Variants in ADGRE5 observed in about 807,000 individuals in gnomAD.
ADGRE5 encodes the protein adhesion G protein-coupled receptor E5.
ADGRE5 carries 72 observed loss-of-function variants against 100.3 expected under a neutral mutation model. The observed-to-expected ratio is 0.72, with a 90% CI of 0.59 to 0.87. ADGRE5 has a LOEUF of 0.87. ADGRE5 is among the 40% of genes least tolerant of loss of function. The pLI is 0.00. For synonymous variants in ADGRE5, 439 were observed against 447.8 expected, an observed-to-expected ratio of 0.98 and a Z score of 0.25; for missense variants, 959 against 1,094.7, an observed-to-expected ratio of 0.88 and a Z score of 1.75.
intron 4 of ADGRE5, among the ~76,000 whole-genome samples, chr19:14,395,977 C>T (rs1244068179): frequency 2.6e-5 from 4 of 152,210 alleles, no homozygotes; most frequent in African/African-American, 9.6e-5. Context: ...CGAGGGCCAC[C>T]GTTGGGAACC....
chr19:14,402,591 C>G lies in ADGRE5; in HGVS notation c.1184-6C>G. On this transcript the variant is annotated splice_polypyrimidine_tract_variant and splice_region_variant and intron_variant, in intron 11 of 19. Coordinates refer to ENST00000242786, the MANE Select transcript of ADGRE5 (RefSeq NM_078481.4). ...GGAGTAGGCAGCGAGTGTGTCTGTT[C>G]CCCAGGCCCCGCCGTGGCGGGCATC... 1 of 1,613,814 alleles carries G rather than the reference C, an allele frequency of 6.2e-7. No individual in the cohort carries two copies. Among genetic ancestry groups the G allele is most frequent in the Non-Finnish European group, 8.5e-7 (1 of 1,179,872 alleles).
At chr19:14,386,178 A>T (rs920144114) in intron 1 of ADGRE5, among the ~76,000 whole-genome samples, 7 of 150,492 alleles carry the variant, frequency 4.7e-5, no homozygotes, top group Non-Finnish European at 3.0e-5. Context: ...AGGAGATCGA[A>T]ACCATCCTGG....
chr19:14,406,303 G>A lies in ADGRE5; in HGVS notation c.1822-28G>A. On this transcript the variant is annotated intron_variant, in intron 14 of 19. Transcript: ENST00000242786. The surrounding 1 kb of genome is among the most constrained non-coding windows in gnomAD (Gnocchi z 6.0). ...GCATGCCCCTCCCCGCGCTGACGTC[G>A]CTCCGCCCCTCCGTCCCCGCCCCGC... 2 of 1,513,842 alleles carry A rather than the reference G, an allele frequency of 1.3e-6. No homozygotes were observed. Among genetic ancestry groups the A allele is most frequent in the South Asian group, 1.2e-5 (1 of 82,942 alleles). 93.8% of individuals were successfully genotyped at this position (1,513,842 alleles called of 1,614,324 possible).
At chr19:14,398,585 C>A (rs4468742) in intron 9 of ADGRE5, among the ~76,000 whole-genome samples, 1 of 149,786 alleles carries the variant, frequency 6.7e-6, no homozygotes. Flanking sequence ...TGAGGCAGGA[C>A]AATGACGTGA....
In ADGRE5 at chr19:14,408,007, C is replaced by CGGGTAAGGGGCTGCGCCTGGG; in HGVS notation, c.2478_2478+20dup. 6.2e-7 allele frequency: 1 copy of CGGGTAAGGGGCTGCGCCTGGG among 1,614,114 alleles called. No individual in the cohort carries two copies. The highest frequency in any genetic ancestry group is 8.5e-7 in the Non-Finnish European group (1 of 1,179,990). On this transcript the variant is annotated inframe_insertion and splice_region_variant, in exon 19 of 20. Coordinates refer to ENST00000242786, the MANE Select transcript of ADGRE5 (RefSeq NM_078481.4). ...GTCTGGCACTGGCCACAATCAGACC[C>CGGGTAAGGGGCTGCGCCTGGG]GGGTAAGGGGCTGCGCCTGGGGCGG...
chr19:14,399,917 C>G (rs1309406224), intron 9 of ADGRE5, among the ~76,000 whole-genome samples: 8 of 151,934 alleles, frequency 5.3e-5, no homozygotes, highest in Non-Finnish European at 8.8e-5. Flanking sequence ...ACAGCTCACT[C>G]CATTCTCAAC....
In ADGRE5 at chr19:14,408,428, C is replaced by T. The variant is rs1328243113; in HGVS notation, c.*307C>T. On this transcript the variant is annotated 3_prime_UTR_variant, in exon 20 of 20. Coordinates refer to ENST00000242786, the MANE Select transcript of ADGRE5 (RefSeq NM_078481.4). ...TGCCCTGGCACCTGTGGCCAGTACTCGGGACAGACTAAGGGCGCTTGTCCC... is the reference window on the plus strand; with the variant it reads ...TGCCCTGGCACCTGTGGCCAGTACTTGGGACAGACTAAGGGCGCTTGTCCC... 1.0e-5 allele frequency: 6 copies of T among 584,402 alleles called. No homozygotes were observed. The highest frequency in any genetic ancestry group is 2.0e-5 in the South Asian group (1 of 49,742). 36.2% of individuals were successfully genotyped at this position (584,402 alleles called of 1,614,324 possible). A position where few individuals can be genotyped will look rare whatever the true frequency, so the allele number is the denominator to read the frequency against.
rs1469988316 is a variant in ADGRE5, at chr19:14,397,674, C to A, written c.642C>A (p.Ser214Arg). 2 of 1,563,158 alleles carry A rather than the reference C, an allele frequency of 1.3e-6. No homozygotes were observed. Among genetic ancestry groups the A allele is most frequent in the Non-Finnish European group, 8.8e-7 (1 of 1,142,212 alleles). Residue 214 changes from serine (S) to arginine (R), a missense_variant, in exon 7 of 20, where the codon AGC becomes AGA. Around this residue, in one of 6 missense-constraint regions of ADGRE5, gnomAD observed 83 missense variants for 88.8 expected, o/e 0.93. Coordinates refer to ENST00000242786, the MANE Select transcript of ADGRE5 (RefSeq NM_078481.4). ...NTVCEDVDECSSGQHQCDSST... is the reference protein window; with the variant it reads ...NTVCEDVDECRSGQHQCDSST... ...TGTCCTCAGATGTGGACGAGTGCAG[C>A]TCCGGGCAGCATCAGTGTGACAGCT...
chr19:14,394,048 C>T (rs1311643076), intron 4 of ADGRE5, among the ~76,000 whole-genome samples: 1 of 152,164 alleles, frequency 6.6e-6, no homozygotes, highest in East Asian at 1.9e-4. Context: ...GGGTGCCGCC[C>T]ACCCACTGCT....
intron 1 of ADGRE5, among the ~76,000 whole-genome samples, chr19:14,385,291 C>T (rs1014677847): frequency 1.3e-5 from 2 of 151,996 alleles, no homozygotes; most frequent in Non-Finnish European, 2.9e-5. Context: ...GGATTACAGG[C>T]GTGAACCACC....
chr19:14,406,494 T>C lies in ADGRE5; in HGVS notation c.1985T>C (p.Val662Ala). The C allele has an allele frequency of 3.8e-6, 6 of 1,565,876 alleles. No individual in the cohort carries two copies. Among genetic ancestry groups the C allele is most frequent in the Non-Finnish European group, 5.2e-6 (6 of 1,155,430 alleles). ...TGGCTCTGCCTGATCGGCTATGGCG[T>C]GCCCCTGCTCATCGTGGGCGTCTCG... ...TRWLCLIGYGVPLLIVGVSAA... is the reference protein window; with the variant it reads ...TRWLCLIGYGAPLLIVGVSAA... The change falls in exon 15 of 20, where the codon GTG becomes GCG. Residue 662 changes from valine to alanine, a missense_variant. Transcript: ENST00000242786. This position sits in a 1 kb window ranked among gnomAD's most constrained non-coding sequence, Gnocchi z 6.0.
intron 6 of ADGRE5, 165 bp from the exon 7 acceptor site, chr19:14,397,493 A>C (rs1164827110): frequency 1.5e-6 from 1 of 661,134 alleles, no homozygotes; most frequent in Non-Finnish European, 2.6e-6. Context: ...GCTCATCTGC[A>C]CGGGGCCCAC....
rs149164075 is a variant in ADGRE5, at chr19:14,388,622, C to T, written c.74-80C>T. ...GGCTCGCGCACGAGAAACTCAGCGC[C>T]CTGCCCCATCTCCCCCAGTGCCCCC... On this transcript the variant is annotated intron_variant, in intron 2 of 19. Coordinates refer to ENST00000242786, the MANE Select transcript of ADGRE5 (RefSeq NM_078481.4). The T allele has an allele frequency of 2.2e-3, 3,605 of 1,607,256 alleles. 13 individuals are homozygous for T. The highest frequency in any genetic ancestry group is 0.014 in the African/African-American group (1,040 of 74,546).
Position 14,402,778 on chromosome 19 carries a change from C to T in ADGRE5, c.1365C>T (p.Thr455=). 6.2e-7 allele frequency: 1 copy of T among 1,614,152 alleles called. No homozygotes were observed. Among genetic ancestry groups the T allele is most frequent in the South Asian group, 1.1e-5 (1 of 91,082 alleles). ...VNSIFLSHNN[T]KELNSPILFA... is the part of the protein sequence containing the mutation. ...CCATCTTTCTGAGCCACAACAACAC[C>T]AAGGAACTCAACTCCCCCATCCTTT... Residue 455 remains threonine, a synonymous_variant, in exon 12 of 20, where the codon ACC becomes ACT. Coordinates refer to ENST00000242786, the MANE Select transcript of ADGRE5 (RefSeq NM_078481.4).
chr19:14,399,725 A>C (rs998702482), intron 9 of ADGRE5, among the ~76,000 whole-genome samples: 1 of 150,760 alleles, frequency 6.6e-6, no homozygotes, highest in African/African-American at 2.5e-5. Context: ...CAGGGCAACA[A>C]GAGTAAGATT....
chr19:14,400,105 C>T (rs12971745), intron 9 of ADGRE5, among the ~76,000 whole-genome samples: 483 of 152,088 alleles, frequency 3.2e-3, no homozygotes, highest in Admixed American at 6.1e-3. Context: ...CTGCAAGCTC[C>T]GCCTCCCGGG....
In ADGRE5 at chr19:14,388,518, C is replaced by G. The variant is rs958527973; in HGVS notation, c.73+18C>G. On this transcript the variant is annotated intron_variant, in intron 2 of 19. Coordinates refer to ENST00000242786, the MANE Select transcript of ADGRE5 (RefSeq NM_078481.4). ...CTCCAGGGGTGAGTCTGCTGGGAAGCAGAAAGCACAGTCCACAGCCAGAGC... is the reference window on the plus strand; with the variant it reads ...CTCCAGGGGTGAGTCTGCTGGGAAGGAGAAAGCACAGTCCACAGCCAGAGC... 8.9e-6 allele frequency: 14 copies of G among 1,566,054 alleles called. No individual in the cohort carries two copies. The highest frequency in any genetic ancestry group is 8.1e-5 in the African/African-American group (6 of 73,684).
intron 11 of ADGRE5, among the ~76,000 whole-genome samples, chr19:14,402,130 TAA>T (rs56208328): frequency 9.8e-5 from 12 of 122,410 alleles, no homozygotes; most frequent in Non-Finnish European, 8.8e-5. Flanking sequence ...GACCCTGTCT[TAA>T]AAAAAAAAAA....
chr19:14,399,566 A>G (rs989107907), intron 9 of ADGRE5, among the ~76,000 whole-genome samples: 4 of 118,348 alleles, frequency 3.4e-5, no homozygotes, highest in African/African-American at 1.7e-4. Flanking sequence ...TCCGTCTCAA[A>G]AAAAAAAAAA....
Sources: allele counts gnomAD v4.1 joint callset (sites outside exome capture counted in the v4.1 genomes callset), GRCh38; gene constraint gnomAD v4.1.1; regional missense constraint gnomAD v4.1.1; non-coding constraint Gnocchi (gnomAD v3.1); transcripts MANE v1.5; gene names NCBI Gene and HGNC (gene_info 2026-07-23, HGNC 2026-07-21).